LRRC75A: variants seen among roughly 807,000 people sequenced by gnomAD.
LRRC75A encodes the protein leucine-rich repeat-containing protein 75A.
Under a neutral mutation model 26.0 loss-of-function variants are expected in LRRC75A, and 12 were observed. That is an observed-to-expected ratio of 0.46 (90% CI 0.30 to 0.75). The LOEUF is 0.75. LRRC75A is among the 30% of genes least tolerant of loss of function. The pLI is 0.08. For synonymous variants in LRRC75A, 223 were observed against 219.3 expected, an observed-to-expected ratio of 1.02 and a Z score of -0.15; for missense variants, 410 against 486.6, an observed-to-expected ratio of 0.84 and a Z score of 1.48.
At chr17:16,476,242 C>T (rs2093819423) in intron 1 of LRRC75A, among the ~76,000 whole-genome samples, 1 of 151,826 alleles carries the variant, frequency 6.6e-6, no homozygotes, top group African/African-American at 2.4e-5. Flanking sequence ...GTGGCACATG[C>T]CTGTAATCCC....
Position 16,441,600 on chromosome 17 carries a change from GTC to G in LRRC75A, c.*1986_*1987del, listed in dbSNP as rs1198129160. On this transcript the variant is annotated 3_prime_UTR_variant, in exon 4 of 4. Coordinates refer to ENST00000470794, the MANE Select transcript of LRRC75A (RefSeq NM_001113567.3). ...GGTTTTTTTTTTTTTTTTTGAGACAGTCTTGCTGTATTGCCCAGGCTGGAGTG... is the reference window on the plus strand; with the variant it reads ...GGTTTTTTTTTTTTTTTTTGAGACAGTTGCTGTATTGCCCAGGCTGGAGTG... The G allele has an allele frequency of 1.4e-5, 5 of 347,860 alleles. No individual in the cohort carries two copies. Among genetic ancestry groups the G allele is most frequent in the African/African-American group, 1.1e-4 (5 of 43,738 alleles). 21.5% of individuals were successfully genotyped at this position (347,860 alleles called of 1,614,324 possible). A position where few individuals can be genotyped will look rare whatever the true frequency, so the allele number is the denominator to read the frequency against.
At chr17:16,476,959 C>G (rs34620073) in intron 1 of LRRC75A, among the ~76,000 whole-genome samples, 4 of 150,590 alleles carry the variant, frequency 2.7e-5, no homozygotes, top group Admixed American at 6.6e-5. Context: ...AGGATGGTCT[C>G]AATCTCCTGA....
rs374945474 is a variant in LRRC75A, at chr17:16,453,437, G to A, written c.376-5477C>T. Among the ~76,000 whole-genome samples the A allele has an allele frequency of 2.5e-3, 385 of 152,224 alleles. 1 individual carries two copies. Among genetic ancestry groups the A allele is most frequent in the South Asian group, 0.011 (52 of 4,818 alleles). ...GGCAGCCACGCACAGGGCCAGGCTC[G>A]GGATGGAAGTGTATCTGCCACTACC... is the stretch of plus-strand genomic sequence containing the variant. On this transcript the variant is annotated intron_variant, in intron 2 of 3. Transcript: ENST00000470794.
chr17:16,482,043 G>A (rs1208979104), intron 1 of LRRC75A, among the ~76,000 whole-genome samples: 7 of 152,124 alleles, frequency 4.6e-5, no homozygotes, highest in Non-Finnish European at 1.0e-4. Context: ...TGACTGTTAC[G>A]CTTGGTGTGG....
At chr17:16,468,644 A>C (rs1336675314) in intron 1 of LRRC75A, among the ~76,000 whole-genome samples, 1 of 152,248 alleles carries the variant, frequency 6.6e-6, no homozygotes, top group Non-Finnish European at 1.5e-5. Flanking sequence ...TGCACAGTAA[A>C]CAGTGTGAAT....
intron 1 of LRRC75A, among the ~76,000 whole-genome samples, chr17:16,485,921 G>A (rs867903090): frequency 5.3e-5 from 8 of 152,288 alleles, no homozygotes; most frequent in South Asian, 2.1e-4. Flanking sequence ...GGGATGCAGG[G>A]AGGAATCATG....
chr17:16,458,528 C>T (rs191605454), intron 2 of LRRC75A, among the ~76,000 whole-genome samples: 17 of 151,456 alleles, frequency 1.1e-4, no homozygotes, highest in Middle Eastern at 3.4e-3. Flanking sequence ...TGCAATGGCG[C>T]GATCTCAGCT....
chr17:16,482,129 T>C (rs2093835793), intron 1 of LRRC75A, among the ~76,000 whole-genome samples: 4 of 151,982 alleles, frequency 2.6e-5, no homozygotes, highest in Admixed American at 1.3e-4. Flanking sequence ...CCCTTTCTAT[T>C]GGGTAGGGCC....
chr17:16,486,907 C>G (rs140030896), intron 1 of LRRC75A, among the ~76,000 whole-genome samples: 1 of 152,338 alleles, frequency 6.6e-6, no homozygotes, highest in South Asian at 2.1e-4. Flanking sequence ...GACACACTGA[C>G]GACAGCAGCA....
At chr17:16,470,923 T>A (rs977204275) in intron 1 of LRRC75A, among the ~76,000 whole-genome samples, 1 of 150,986 alleles carries the variant, frequency 6.6e-6, no homozygotes, top group African/African-American at 2.4e-5. Context: ...TCTTTCCCCA[T>A]GTGCGACAAG....
chr17:16,451,937 G>A (rs1044752517), intron 2 of LRRC75A, among the ~76,000 whole-genome samples: 7 of 29,794 alleles, frequency 2.3e-4, no homozygotes, highest in African/African-American at 4.3e-4. Flanking sequence ...AGTAGAGACG[G>A]GGGGTCTCAC....
Position 16,443,776 on chromosome 17 carries a change from G to T in LRRC75A, c.847C>A (p.Leu283Ile). 1 of 1,613,822 alleles carries T rather than the reference G, an allele frequency of 6.2e-7. No homozygotes were observed. Among genetic ancestry groups the T allele is most frequent in the Non-Finnish European group, 8.5e-7 (1 of 1,179,720 alleles). Residue 283 changes from leucine to isoleucine, a missense_variant, in exon 4 of 4, where the codon CTC becomes ATC. Transcript: ENST00000470794. ...DIFSLPQPFL[L>I]SLRKRSPKQG... is the part of the protein sequence containing the mutation. ...TTTGGGGAGCGCTTGCGCAGGCTGA[G>T]CAGGAAGGGCTGGGGCAAGGAGAAG... is the stretch of plus-strand genomic sequence containing the variant.
rs572673560 is a variant in LRRC75A at position 16,472,416 on chromosome 17, G to A, written c.247-10030C>T. Among the ~76,000 whole-genome samples, 4 of 152,310 alleles carry A rather than the reference G, an allele frequency of 2.6e-5. No homozygotes were observed. In the East Asian group the frequency reaches 5.8e-4, roughly 22 times the overall value. On this transcript the variant is annotated intron_variant, in intron 1 of 3. Coordinates refer to ENST00000470794, the MANE Select transcript of LRRC75A (RefSeq NM_001113567.3). ...AGTTTGGTGATGCAGTTTGAAGACC[G>A]GGACTGAGACCCCCCCACTGGAGGG...
At chr17:16,490,545 T>C (rs1480087651) in intron 1 of LRRC75A, among the ~76,000 whole-genome samples, 1 of 152,048 alleles carries the variant, frequency 6.6e-6, no homozygotes, top group Non-Finnish European at 1.5e-5. Context: ...CGTCTCTGCT[T>C]GCCTCTCCCT....
rs1033025865 is a variant in LRRC75A at position 16,491,525 on chromosome 17, G to A, written c.246+220C>T. ...TTATGCCAACAGGTCCCCTTCGGCG[G>A]GCCTCACCCGGCCAGCCTTCCTCCG... On this transcript the variant is annotated intron_variant, in intron 1 of 3. Coordinates refer to ENST00000470794, the MANE Select transcript of LRRC75A (RefSeq NM_001113567.3). The surrounding 1 kb of genome is among the most constrained non-coding windows in gnomAD (Gnocchi z 5.9). Among the ~76,000 whole-genome samples the A allele has an allele frequency of 2.4e-4, 37 of 152,320 alleles. No homozygotes were observed. The highest frequency in any genetic ancestry group is 3.4e-3 in the Middle Eastern group (1 of 294).
chr17:16,444,310 T>G (rs1387815161), intron 3 of LRRC75A, among the ~76,000 whole-genome samples, 179 bp from the exon 4 acceptor site: 3 of 152,166 alleles, frequency 2.0e-5, no homozygotes, highest in Admixed American at 2.0e-4. Flanking sequence ...CCCCTGACAC[T>G]GCCGCACGTC....
rs1037703523 is a variant in LRRC75A, at chr17:16,441,728, AT to A, written c.*1859del. On this transcript the variant is annotated 3_prime_UTR_variant, in exon 4 of 4. Transcript: ENST00000470794. Reference sequence around the variant, plus strand: ...ACAGCTCACAGCACACCTGGCTAAAATTTTTTTTTTGTTGAGACGGATTCTC... The same window carrying A: ...ACAGCTCACAGCACACCTGGCTAAAATTTTTTTTTGTTGAGACGGATTCTC... The A allele has an allele frequency of 1.7e-3, 373 of 213,482 alleles. No individual in the cohort carries two copies. The highest frequency in any genetic ancestry group is 4.9e-3 in the South Asian group (87 of 17,860). The allele number at this position is 213,482 out of a possible 1,614,324, so 13.2% of individuals were successfully genotyped here.
chr17:16,485,640 G>GTCTGTGTGTGTGTGTC (rs2093844688), intron 1 of LRRC75A, among the ~76,000 whole-genome samples: 1 of 125,356 alleles, frequency 8.0e-6, no homozygotes, highest in Non-Finnish European at 1.7e-5. Flanking sequence ...CAGTGTGTGT[G>GTCTGTGTGTGTGTGTC]TGTGTGTGTG....
chr17:16,470,812 C>A (rs562978751), intron 1 of LRRC75A, among the ~76,000 whole-genome samples: 133 of 152,304 alleles, frequency 8.7e-4, no homozygotes, highest in African/African-American at 3.1e-3. Flanking sequence ...GAATCATAAA[C>A]AACAGAAATG....
Sources: gnomAD v4.1 joint callset for allele counts (sites outside exome capture counted in the v4.1 genomes callset) on GRCh38, gnomAD v4.1.1 for gene constraint, Gnocchi (gnomAD v3.1) non-coding constraint, MANE v1.5 for transcripts, NCBI Gene and HGNC (gene_info 2026-07-23, HGNC 2026-07-21) for gene names.